ST14: variants seen among roughly 807,000 people sequenced by gnomAD.
ST14 encodes the protein ST14 transmembrane serine protease matriptase, also known as suppressor of tumorigenicity 14 protein.
In ST14, 40 loss-of-function variants were observed where a neutral mutation model predicts 96.5. The ratio of observed to expected loss-of-function variants is 0.41; its 90% CI spans 0.32 to 0.54. ST14 has a LOEUF of 0.54. Ranked by LOEUF, ST14 falls within the 20% of genes least tolerant of loss-of-function variation. The pLI is 0.17. For missense variants in ST14, 1,066 were observed against 1,188.9 expected, an observed-to-expected ratio of 0.90 and a Z score of 1.52; for synonymous variants, 506 against 492.1, an observed-to-expected ratio of 1.03 and a Z score of -0.37.
chr11:130,171,146 G>A (rs1170426657), intron 1 of ST14, among the ~76,000 whole-genome samples: 1 of 152,006 alleles, frequency 6.6e-6, no homozygotes, highest in Non-Finnish European at 1.5e-5. Context: ...CTTGTTTTTT[G>A]TTTCTTTTGT....
chr11:130,197,735 G>T, intron 11 of ST14, 106 bp from the exon 12 acceptor site: 1 of 965,640 alleles, frequency 1.0e-6, no homozygotes, highest in Non-Finnish European at 1.5e-6. Context: ...CACCTGCCCT[G>T]CTCCTGTGTG....
chr11:130,196,410 C>CA lies in ST14; in HGVS notation c.1186dup (p.Thr396AsnfsTer48). On this transcript the variant is annotated frameshift_variant, in exon 10 of 19. Coordinates refer to ENST00000278742, the MANE Select transcript of ST14 (RefSeq NM_021978.4). LOFTEE classifies it high-confidence loss of function. ...TGCTGGAGCCCGGCGTGCCTGCGGG[C>CA]ACCTGCCCCAAGGACTACGTGGAGA... 6.2e-7 allele frequency: 1 copy of CA among 1,610,482 alleles called. No individual in the cohort carries two copies. The highest frequency in any genetic ancestry group is 8.5e-7 in the Non-Finnish European group (1 of 1,178,678).
At chr11:130,205,056 T>C (rs1953471991) in intron 16 of ST14, among the ~76,000 whole-genome samples, 1 of 152,190 alleles carries the variant, frequency 6.6e-6, no homozygotes, top group Non-Finnish European at 1.5e-5. Flanking sequence ...ATTTTTCCAA[T>C]GTTTTATTTT....
intron 1 of ST14, among the ~76,000 whole-genome samples, chr11:130,177,426 G>A (rs970507517): frequency 3.3e-5 from 5 of 152,186 alleles, no homozygotes; most frequent in South Asian, 4.2e-4. Flanking sequence ...AGCCAGGTGC[G>A]GTGGCAGGTG....
rs1413674139 is a variant in ST14, at chr11:130,196,710, C to T, written c.1354+10C>T. The T allele has an allele frequency of 1.2e-6, 2 of 1,614,214 alleles. No homozygotes were observed. The highest frequency in any genetic ancestry group is 1.7e-6 in the Non-Finnish European group (2 of 1,180,048). On this transcript the variant is annotated intron_variant, in intron 11 of 18. Transcript: ENST00000278742. Reference sequence around the variant, plus strand: ...TACGACTCCAGTGACCGTGAGTGAACATTGTTGGGAGGAGGGCTGGCGGGG... The same window carrying T: ...TACGACTCCAGTGACCGTGAGTGAATATTGTTGGGAGGAGGGCTGGCGGGG...
chr11:130,180,830 G>T (rs1953184952), intron 1 of ST14, among the ~76,000 whole-genome samples: 1 of 151,972 alleles, frequency 6.6e-6, no homozygotes, highest in Non-Finnish European at 1.5e-5. Context: ...AGAAATCAGT[G>T]TTTTTTTTCT....
At chr11:130,197,456 G>A (rs1953378805) in intron 11 of ST14, among the ~76,000 whole-genome samples, 1 of 152,252 alleles carries the variant, frequency 6.6e-6, no homozygotes, top group South Asian at 2.1e-4. Flanking sequence ...CACATGCATC[G>A]GGGACCAGCT....
chr11:130,190,360 G>A (rs1172622049), intron 6 of ST14, 94 bp from the exon 7 acceptor site: 7 of 1,581,464 alleles, frequency 4.4e-6, no homozygotes, highest in Admixed American at 3.4e-5. Context: ...GAAGGGGCGA[G>A]GCCTGAGGTC....
intron 1 of ST14, among the ~76,000 whole-genome samples, chr11:130,176,370 CT>C (rs796996153): frequency 0.011 from 1,648 of 144,750 alleles, 31 homozygotes; most frequent in African/African-American, 0.037. Context: ...TTTACTTTTC[CT>C]TTTTTTTTTT....
intron 16 of ST14, among the ~76,000 whole-genome samples, chr11:130,203,892 G>C (rs1953459128): frequency 6.6e-6 from 1 of 152,194 alleles, no homozygotes; most frequent in South Asian, 2.1e-4. Flanking sequence ...GACCACGGGT[G>C]ATCTGCCTGC....
At chr11:130,202,794 T>C (rs901347190) in intron 16 of ST14, among the ~76,000 whole-genome samples, 24 of 152,230 alleles carry the variant, frequency 1.6e-4, no homozygotes, top group African/African-American at 5.3e-4. Context: ...AGTTGCCCTC[T>C]CTGTGCTTGA....
At chr11:130,190,726 G>T in intron 7 of ST14, 32 bp downstream of exon 7, 2 of 1,540,328 alleles carry the variant, frequency 1.3e-6, no homozygotes, top group Non-Finnish European at 1.8e-6. Context: ...TAGGGCTGTG[G>T]GAGCTTGGCG....
Position 130,169,642 on chromosome 11 carries a change from G to A in ST14, c.81+9582G>A, listed in dbSNP as rs189250285. On this transcript the variant is annotated intron_variant, in intron 1 of 18. Coordinates refer to ENST00000278742, the MANE Select transcript of ST14 (RefSeq NM_021978.4). The stretch of plus-strand genomic sequence containing the variant: ...GAAACGGGAAGTCTGAATAAGATCC[G>A]CGGATGATACTGCTGTTGTGGTATT... 2.1e-3 allele frequency among the ~76,000 whole-genome samples: 325 copies of A among 152,240 alleles called. 1 individual carries two copies. Among genetic ancestry groups the A allele is most frequent in the Non-Finnish European group, 3.1e-3 (209 of 68,012 alleles).
chr11:130,179,359 AG>A (rs1488402005), intron 1 of ST14, among the ~76,000 whole-genome samples: 2 of 152,234 alleles, frequency 1.3e-5, no homozygotes, highest in Non-Finnish European at 2.9e-5. Context: ...AGGCTTTTGC[AG>A]GTTTCGTGAA....
In ST14 at chr11:130,181,485, GC is replaced by G. The variant is rs762597675; in HGVS notation, c.82-6628del. 5.3e-5 allele frequency among the ~76,000 whole-genome samples: 8 copies of G among 152,188 alleles called. No homozygotes were observed. Among genetic ancestry groups the G allele is most frequent in the Non-Finnish European group, 7.4e-5 (5 of 68,026 alleles). ...GGCTTCATAGCACCGTTTTATGTGT[GC>G]ACCTGCAAAGATGTTTACTTTTAAG... On this transcript the variant is annotated intron_variant, in intron 1 of 18. Transcript: ENST00000278742. The surrounding 1 kb of genome is among the most constrained non-coding windows in gnomAD (Gnocchi z 4.1).
chr11:130,197,984 TC>T, intron 12 of ST14, 39 bp downstream of exon 12: 1 of 1,532,768 alleles, frequency 6.5e-7, no homozygotes. Context: ...CCACCCTCCT[TC>T]CCCACCCTGC....
intron 16 of ST14, among the ~76,000 whole-genome samples, 153 bp downstream of exon 16, chr11:130,200,290 G>A (rs1953414525): frequency 6.6e-6 from 1 of 152,226 alleles, no homozygotes; most frequent in African/African-American, 2.4e-5. Context: ...ACCTGAGACT[G>A]GGTCATTTAT....
chr11:130,188,763 G>T lies in ST14; in HGVS notation c.369+106G>T. On this transcript the variant is annotated intron_variant, in intron 3 of 18. Transcript: ENST00000278742. This position sits in a 1 kb window ranked among gnomAD's most constrained non-coding sequence, Gnocchi z 5.4. ...TGTGCTCCCAGGGCCCTGGGATGGG[G>T]GTGATCTGCAAAGGGGACCCGGGCC... 1 of 1,606,070 alleles carries T rather than the reference G, an allele frequency of 6.2e-7. No homozygotes were observed. The highest frequency in any genetic ancestry group is 8.5e-7 in the Non-Finnish European group (1 of 1,174,088).
intron 1 of ST14, among the ~76,000 whole-genome samples, chr11:130,185,728 A>C (rs1329584939): frequency 6.6e-6 from 1 of 152,232 alleles, no homozygotes; most frequent in Non-Finnish European, 1.5e-5. Context: ...TCATAAGTAA[A>C]AGATAATGAG....
Sources: allele counts gnomAD v4.1 joint callset (sites outside exome capture counted in the v4.1 genomes callset), GRCh38; gene constraint gnomAD v4.1.1; non-coding constraint Gnocchi (gnomAD v3.1); transcripts MANE v1.5; gene names NCBI Gene and HGNC (gene_info 2026-07-23, HGNC 2026-07-21).